PCDHGA8: variants seen among roughly 807,000 people sequenced by gnomAD.
The protein encoded by PCDHGA8 is protocadherin gamma subfamily A, 8, also known as protocadherin gamma-A8.
PCDHGA8 carries 45 observed loss-of-function variants against 59.2 expected under a neutral mutation model. That is an observed-to-expected ratio of 0.76 (90% confidence interval 0.60 to 0.98). PCDHGA8 has a LOEUF of 0.98. Ranked by LOEUF, PCDHGA8 falls within the 50% of genes least tolerant of loss-of-function variation. The pLI is 0.00. For missense variants in PCDHGA8, 1,257 were observed against 1,196.2 expected (o/e 1.05, Z -0.75); for synonymous variants, 531 against 519.0 (o/e 1.02, Z -0.32).
chr5:141,399,260 T>A (rs2093776436), intron 1 of PCDHGA8: 1 of 1,613,614 alleles, frequency 6.2e-7, no homozygotes, highest in South Asian at 1.1e-5. Context: ...AATGGGGAGG[T>A]TAATTGTCAA....
At chr5:141,400,268 C>T (rs976476082) in intron 1 of PCDHGA8, 3 of 1,613,962 alleles carry the variant, frequency 1.9e-6, no homozygotes, top group East Asian at 4.5e-5. Flanking sequence ...CTGCGACGCT[C>T]CTCCAGCCCT....
intron 1 of PCDHGA8, chr5:141,399,214 G>A: frequency 6.2e-7 from 1 of 1,613,956 alleles, no homozygotes; most frequent in African/African-American, 1.3e-5. Context: ...AACACTAATT[G>A]CTTTGATCAA....
At chr5:141,463,955 A>G (rs2154568299) in intron 1 of PCDHGA8, among the ~76,000 whole-genome samples, 1 of 152,288 alleles carries the variant, frequency 6.6e-6, no homozygotes, top group Middle Eastern at 3.4e-3. Flanking sequence ...CTTCATTTTT[A>G]AAATAGCTTC....
At position 141,392,820 on chromosome 5, in the gene PCDHGA8, G is replaced by C. The variant is rs1474865202; in HGVS notation, c.7G>C (p.Ala3Pro). The change falls in exon 1 of 4, where the codon GCT becomes CCT. Residue 3 changes from alanine to proline, a missense_variant. Transcript: ENST00000398604. MA[A>P]PQSRPRRGEL... Reference sequence around the variant, plus strand: ...ATTCTGCAGCAAAACAACAATGGCCGCTCCACAGAGTCGCCCCAGACGCGG... The same window carrying C: ...ATTCTGCAGCAAAACAACAATGGCCCCTCCACAGAGTCGCCCCAGACGCGG... The C allele has an allele frequency of 1.3e-6, 2 of 1,592,748 alleles. No individual in the cohort carries two copies. Among genetic ancestry groups the C allele is most frequent in the Admixed American group, 3.6e-5 (2 of 56,214 alleles).
intron 1 of PCDHGA8, chr5:141,399,894 C>T (rs201911174): frequency 1.9e-6 from 3 of 1,612,570 alleles, no homozygotes; most frequent in Non-Finnish European, 2.5e-6. Context: ...AGGTAGTGGC[C>T]GTGGACGCAG....
At chr5:141,418,029 G>A (rs775326655) in intron 1 of PCDHGA8, 1 of 1,614,022 alleles carries the variant, frequency 6.2e-7, no homozygotes, top group Non-Finnish European at 8.5e-7. Context: ...CTAGGGCTTA[G>A]TGTCCTGGAT....
chr5:141,421,611 T>C lies in PCDHGA8; in HGVS notation c.2424+26374T>C, dbSNP rs747573417. 6.8e-6 allele frequency: 11 copies of C among 1,613,694 alleles called. No homozygotes were observed. The African/African-American group carries it at 1.3e-4, about 20-fold the overall frequency. On this transcript the variant is annotated intron_variant, in intron 1 of 3. Transcript: ENST00000398604. ...TGGAGGTGGAAATAATAGATATTAA[T>C]GATAACGCCCCCAGCTTCCAGGAGG...
chr5:141,437,074 A>G (rs1455066447), intron 1 of PCDHGA8, among the ~76,000 whole-genome samples: 1 of 152,250 alleles, frequency 6.6e-6, no homozygotes, highest in Non-Finnish European at 1.5e-5. Flanking sequence ...GGTTTGGGCC[A>G]TATAAGAATT....
chr5:141,447,181 G>T (rs442221), intron 1 of PCDHGA8, among the ~76,000 whole-genome samples: 1 of 152,338 alleles, frequency 6.6e-6, no homozygotes, highest in Admixed American at 6.5e-5. Context: ...CTCTTGTCGC[G>T]CAGGCTGGAG....
At chr5:141,409,515 T>G (rs1273041163) in intron 1 of PCDHGA8, 1 of 1,613,844 alleles carries the variant, frequency 6.2e-7, no homozygotes, top group Non-Finnish European at 8.5e-7. Context: ...AGTAGAAGCA[T>G]CACCTTGTAT....
At chr5:141,480,652 A>C (rs1488188393) in intron 1 of PCDHGA8, among the ~76,000 whole-genome samples, 4 of 152,220 alleles carry the variant, frequency 2.6e-5, no homozygotes, top group Non-Finnish European at 5.9e-5. Context: ...TTGGTTGCAC[A>C]TTAAAATCAC....
At chr5:141,399,979 C>A (rs1402446986) in intron 1 of PCDHGA8, 5 of 1,612,154 alleles carry the variant, frequency 3.1e-6, no homozygotes, top group Non-Finnish European at 4.2e-6. Context: ...CCTGGGGCTG[C>A]GCACAGGAGA....
At position 141,511,393 on chromosome 5, in the gene PCDHGA8, C is replaced by G. The variant is rs1257680621; in HGVS notation, c.*220C>G. The G allele has an allele frequency of 2.8e-6, 3 of 1,067,816 alleles. No individual in the cohort carries two copies. The highest frequency in any genetic ancestry group is 3.9e-6 in the Non-Finnish European group (3 of 764,518). The allele number at this position is 1,067,816 out of a possible 1,614,324, so 66.1% of individuals were successfully genotyped here. A position where few individuals can be genotyped will look rare whatever the true frequency, so the allele number is the denominator to read the frequency against. On this transcript the variant is annotated 3_prime_UTR_variant, in exon 4 of 4. Coordinates refer to ENST00000398604, the MANE Select transcript of PCDHGA8 (RefSeq NM_032088.2). ...CAAAAGCAGTTCCGCTGGGAACCCC[C>G]ATCCAATCAACTGCTGTACCCATGG...
chr5:141,403,612 GC>G, intron 1 of PCDHGA8: 1 of 1,613,854 alleles, frequency 6.2e-7, no homozygotes, highest in Non-Finnish European at 8.5e-7. Flanking sequence ...GCGGCGAGCC[GC>G]GTCGCTCCAG....
intron 1 of PCDHGA8, among the ~76,000 whole-genome samples, chr5:141,481,647 A>G (rs749515062): frequency 1.6e-4 from 25 of 151,712 alleles, no homozygotes; most frequent in Non-Finnish European, 2.8e-4. Flanking sequence ...GTGAAACTTC[A>G]TCTCTACTAA....
intron 1 of PCDHGA8, chr5:141,419,779 G>A (rs1439735185): frequency 1.2e-6 from 2 of 1,614,064 alleles, no homozygotes; most frequent in Non-Finnish European, 8.5e-7. Flanking sequence ...CGGTCCGCCA[G>A]CGCCTGCTAG....
intron 1 of PCDHGA8, chr5:141,408,741 T>C: frequency 6.2e-7 from 1 of 1,610,092 alleles, no homozygotes; most frequent in Non-Finnish European, 8.5e-7. Context: ...TATTTTTCAT[T>C]AATGGTTAGA....
chr5:141,510,448 C>T (rs1339979584), intron 3 of PCDHGA8, among the ~76,000 whole-genome samples: 1 of 152,016 alleles, frequency 6.6e-6, no homozygotes, highest in Non-Finnish European at 1.5e-5. Context: ...TCCAGGAGCC[C>T]ATGGTCTAGT....
intron 1 of PCDHGA8, among the ~76,000 whole-genome samples, chr5:141,460,976 T>C (rs1444476508): frequency 7.6e-6 from 1 of 131,636 alleles, no homozygotes; most frequent in Non-Finnish European, 1.6e-5. Flanking sequence ...TGTGTGTGTG[T>C]GTGTGTGTAT....
Sources: allele counts gnomAD v4.1 joint callset (sites outside exome capture counted in the v4.1 genomes callset), GRCh38; gene constraint gnomAD v4.1.1; transcripts MANE v1.5; gene names NCBI Gene and HGNC (gene_info 2026-07-23, HGNC 2026-07-21).